Variants in RBFOX1 observed in about 807,000 individuals in gnomAD.
RBFOX1 encodes RNA binding protein fox-1 homolog 1.
A neutral mutation model predicts 57.7 loss-of-function variants in RBFOX1; 8 were observed. That is an observed-to-expected ratio of 0.14 (90% CI 0.08 to 0.25). RBFOX1 has a LOEUF of 0.25. Among genes scored for constraint, RBFOX1 ranks in the 10% least tolerant of loss-of-function variants. RBFOX1 has a pLI of 1.00. For missense variants in RBFOX1, 611 were observed against 548.5 expected, an observed-to-expected ratio of 1.11 and a Z score of -1.14; for synonymous variants, 326 against 222.4, an observed-to-expected ratio of 1.47 and a Z score of -4.15.
At position 5,435,229 on chromosome 16, in the gene RBFOX1, T is replaced by C. The variant is rs547682096; in HGVS notation, c.220-31987T>C. 1.2e-3 allele frequency among the ~76,000 whole-genome samples: 181 copies of C among 152,326 alleles called. 1 individual carries two copies. Among genetic ancestry groups the C allele is most frequent in the Non-Finnish European group, 2.1e-3 (140 of 68,028 alleles). On this transcript the variant is annotated intron_variant, in intron 1 of 2. Coordinates refer to the RBFOX1 transcript ENST00000585867. ...AGCTGGTGATGGGTGCTTCTCCATATGCGTCTATGAAGAAAAGGTTAAACT... is the reference window on the plus strand; with the variant it reads ...AGCTGGTGATGGGTGCTTCTCCATACGCGTCTATGAAGAAAAGGTTAAACT...
chr16:6,872,640 A>C (rs2061140327), intron 3 of RBFOX1, among the ~76,000 whole-genome samples: 1 of 152,220 alleles, frequency 6.6e-6, no homozygotes, highest in South Asian at 2.1e-4. Context: ...CTGCAGTGGC[A>C]ACGGTTAAAG....
rs573774290 is a variant in RBFOX1 at position 6,236,190 on chromosome 16, G to T, written c.-126-80805G>T. Among the ~76,000 whole-genome samples the T allele has an allele frequency of 2.6e-5, 4 of 152,202 alleles. No homozygotes were observed. The East Asian group carries it at 5.8e-4, about 22-fold the overall frequency. On this transcript the variant is annotated intron_variant, in intron 1 of 15. Transcript: ENST00000550418. ...CAACATCTGACTTTTACTGAGCTCA[G>T]TATGCCTTTGTTGTTGAAAGAGCAA...
At chr16:5,240,537 C>G (rs1316838338) in intron 1 of RBFOX1, among the ~76,000 whole-genome samples, 1 of 152,214 alleles carries the variant, frequency 6.6e-6, no homozygotes, top group African/African-American at 2.4e-5. Flanking sequence ...CCAAGCCCTG[C>G]TCTGCTGGGC....
chr16:7,186,338 A>G (rs1174023211), intron 4 of RBFOX1, among the ~76,000 whole-genome samples: 10 of 57,064 alleles, frequency 1.8e-4, no homozygotes, highest in African/African-American at 1.2e-3. Context: ...AAACATATTT[A>G]TATAAATATA....
chr16:7,232,577 C>A (rs138663340), intron 4 of RBFOX1, among the ~76,000 whole-genome samples: 1 of 152,210 alleles, frequency 6.6e-6, no homozygotes, highest in South Asian at 2.1e-4. Flanking sequence ...ATAAGCGGCT[C>A]ATGCCTGTAA....
At chr16:5,646,446 C>A (rs2049057876) in intron 3 of RBFOX1, among the ~76,000 whole-genome samples, 1 of 152,062 alleles carries the variant, frequency 6.6e-6, no homozygotes, top group African/African-American at 2.4e-5. Context: ...ACCTCTGGTT[C>A]CCAGCACAGT....
chr16:5,364,745 C>T (rs1372820366), intron 1 of RBFOX1, among the ~76,000 whole-genome samples: 1 of 151,826 alleles, frequency 6.6e-6, no homozygotes. Flanking sequence ...TGAGCTGATT[C>T]TGTGGCAGAC....
intron 13 of RBFOX1, chr16:7,671,604 G>T (rs763604762): frequency 3.1e-6 from 5 of 1,609,786 alleles, no homozygotes; most frequent in East Asian, 4.5e-5. Flanking sequence ...CTGCAGGTAT[G>T]AAATCCCGAC....
intron 1 of RBFOX1, among the ~76,000 whole-genome samples, chr16:6,197,433 T>C (rs554827614): frequency 3.4e-4 from 52 of 152,274 alleles, no homozygotes; most frequent in African/African-American, 1.1e-3. Context: ...CTTACCCATG[T>C]TGGGGACCTG....
At chr16:7,399,081 C>T (rs1345528890) in intron 4 of RBFOX1, among the ~76,000 whole-genome samples, 4 of 152,178 alleles carry the variant, frequency 2.6e-5, no homozygotes, top group East Asian at 3.8e-4. Context: ...CTCAGCATCA[C>T]GTAATATACT....
intron 6 of RBFOX1, 146 bp downstream of exon 6, chr16:7,580,066 G>A: frequency 1.2e-6 from 1 of 864,302 alleles, no homozygotes; most frequent in East Asian, 2.7e-5. Context: ...CAGGTATATT[G>A]TGGCTAGAAT....
chr16:7,607,857 A>G (rs1016575860), intron 10 of RBFOX1, among the ~76,000 whole-genome samples: 2 of 152,162 alleles, frequency 1.3e-5, no homozygotes, highest in African/African-American at 4.8e-5. Flanking sequence ...TCCCTTAGCA[A>G]TTCCTTTTCT....
At chr16:6,558,407 G>T (rs1413536669) in intron 2 of RBFOX1, among the ~76,000 whole-genome samples, 1 of 152,138 alleles carries the variant, frequency 6.6e-6, no homozygotes, top group South Asian at 2.1e-4. Flanking sequence ...AGTTTATCCT[G>T]AACTGTGCAT....
chr16:6,626,278 C>T (rs1287652371), intron 2 of RBFOX1, among the ~76,000 whole-genome samples: 1 of 151,908 alleles, frequency 6.6e-6, no homozygotes, highest in Non-Finnish European at 1.5e-5. Flanking sequence ...TAAGTGTTGG[C>T]CATGTGACTC....
intron 2 of RBFOX1, among the ~76,000 whole-genome samples, chr16:6,503,599 T>C (rs2096002999): frequency 6.6e-6 from 1 of 152,208 alleles, no homozygotes; most frequent in Admixed American, 6.5e-5. Flanking sequence ...TTGTGGCCTT[T>C]TCGGCAGGCT....
chr16:7,439,382 C>G (rs906553052), intron 4 of RBFOX1, among the ~76,000 whole-genome samples: 1 of 150,954 alleles, frequency 6.6e-6, no homozygotes, highest in African/African-American at 2.4e-5. Context: ...AAAAAAAAAT[C>G]CAGCCTCACC....
At position 5,631,250 on chromosome 16, in the gene RBFOX1, C is replaced by G. The variant is rs578147050; in HGVS notation, c.318+32289C>G. 3.9e-5 allele frequency among the ~76,000 whole-genome samples: 6 copies of G among 152,238 alleles called. No individual in the cohort carries two copies. The South Asian group carries it at 1.0e-3, about 26-fold the overall frequency. ...AGGGTCTTAGAGGCTCTCTCCAATC[C>G]TCATGCACATTTAAAAGTCTCTCTT... On this transcript the variant is annotated intron_variant, in intron 3 of 19. Transcript: ENST00000641259.
intron 2 of RBFOX1, among the ~76,000 whole-genome samples, chr16:6,331,764 C>CT (rs1555628745): frequency 0.021 from 2,250 of 107,974 alleles, 36 homozygotes; most frequent in Middle Eastern, 0.064. Context: ...TTTGTTTCAC[C>CT]TTTTTTTAAA....
At chr16:5,532,454 C>T (rs2044523406) in intron 2 of RBFOX1, among the ~76,000 whole-genome samples, 1 of 152,184 alleles carries the variant, frequency 6.6e-6, no homozygotes, top group African/African-American at 2.4e-5. Flanking sequence ...TGATCTGAAC[C>T]TGCATTTCAC....
Sources: allele counts gnomAD v4.1 joint callset (sites outside exome capture counted in the v4.1 genomes callset), GRCh38; gene constraint gnomAD v4.1.1; transcripts MANE v1.5; gene names NCBI Gene and HGNC (gene_info 2026-07-23, HGNC 2026-07-21).